TJP2: variants seen among roughly 807,000 people sequenced by gnomAD.
The protein encoded by TJP2 is tight junction protein 2, also known as Friedreich ataxia region gene X104 (tight junction protein ZO-2).
A neutral mutation model predicts 133.1 loss-of-function variants in TJP2; 91 were observed. The observed-to-expected ratio is 0.68, with a 90% CI of 0.58 to 0.81. TJP2 has a LOEUF of 0.81. Among genes scored for constraint, TJP2 ranks in the 40% least tolerant of loss-of-function variants. TJP2 has a pLI of 0.00. For missense variants in TJP2, 1,541 were observed against 1,565.6 expected (o/e 0.98, Z 0.26); for synonymous variants, 592 against 583.4 (o/e 1.01, Z -0.21).
At chr9:69,230,476 T>C (rs993492365) in intron 11 of TJP2, among the ~76,000 whole-genome samples, 9 of 152,234 alleles carry the variant, frequency 5.9e-5, no homozygotes, top group African/African-American at 2.2e-4. Context: ...CAAGATTTTA[T>C]TAGTCTGATT....
chr9:69,199,211 C>T (rs372122542), intron 1 of TJP2, among the ~76,000 whole-genome samples: 2 of 152,128 alleles, frequency 1.3e-5, no homozygotes, highest in Non-Finnish European at 1.5e-5. Flanking sequence ...GATTTGAGTT[C>T]GTTTGTAAAA....
At chr9:69,206,553 T>TTTTATTTATTTA (rs34725985) in intron 1 of TJP2, among the ~76,000 whole-genome samples, 2 of 149,368 alleles carry the variant, frequency 1.3e-5, no homozygotes, top group African/African-American at 4.9e-5. Context: ...TCTCCCTATT[T>TTTTATTTATTTA]TTTATTTATT....
At chr9:69,189,288 T>C (rs1165455253) in intron 1 of TJP2, among the ~76,000 whole-genome samples, 1 of 152,184 alleles carries the variant, frequency 6.6e-6, no homozygotes, top group Admixed American at 6.5e-5. Flanking sequence ...CTAGGAAGTC[T>C]CCACATACAA....
intron 1 of TJP2, among the ~76,000 whole-genome samples, chr9:69,132,362 G>A (rs1412448648): frequency 3.3e-5 from 5 of 152,234 alleles, no homozygotes; most frequent in Non-Finnish European, 5.9e-5. Context: ...AAGGATAACA[G>A]TCAGGCTTGC....
At chr9:69,139,884 G>A (rs1226028795) in intron 1 of TJP2, among the ~76,000 whole-genome samples, 1 of 152,102 alleles carries the variant, frequency 6.6e-6, no homozygotes, top group Non-Finnish European at 1.5e-5. Flanking sequence ...GAGTCCCCTG[G>A]GGCCTTCCTG....
Position 69,211,207 on chromosome 9 carries a change from C to T in TJP2, c.61-1341C>T, listed in dbSNP as rs572412122. ...CAAAAATTAGCCGGGCGTGGTAGTG[C>T]GCACCTGTAATCCTAGCTACCCAGG... On this transcript the variant is annotated intron_variant, in intron 1 of 22. Coordinates refer to ENST00000377245, the MANE Select transcript of TJP2 (RefSeq NM_004817.4). Among the ~76,000 whole-genome samples the T allele has an allele frequency of 8.5e-5, 13 of 152,188 alleles. No individual in the cohort carries two copies. In the East Asian group the frequency reaches 2.3e-3, roughly 27 times the overall value.
chr9:69,188,554 A>G (rs1826003540), intron 1 of TJP2, among the ~76,000 whole-genome samples: 1 of 152,202 alleles, frequency 6.6e-6, no homozygotes, highest in Non-Finnish European at 1.5e-5. Context: ...ATCATCGCTG[A>G]AAGTGCATAG....
chr9:69,203,091 G>A (rs1564432392), intron 1 of TJP2, among the ~76,000 whole-genome samples: 1 of 152,062 alleles, frequency 6.6e-6, no homozygotes, highest in African/African-American at 2.4e-5. Context: ...AAGCTCAGGT[G>A]TTTTCCTTAG....
At chr9:69,237,208 G>A in intron 14 of TJP2, 72 bp downstream of exon 14, 1 of 1,561,422 alleles carries the variant, frequency 6.4e-7, no homozygotes, top group Non-Finnish European at 8.8e-7. Context: ...TTTTCAGACT[G>A]TATGGTCAAG....
At chr9:69,132,529 T>C (rs1822541659) in intron 1 of TJP2, among the ~76,000 whole-genome samples, 1 of 152,184 alleles carries the variant, frequency 6.6e-6, no homozygotes, top group Non-Finnish European at 1.5e-5. Context: ...GATCCTGGGT[T>C]CAGAATGATA....
chr9:69,246,426 T>C (rs1830931035), intron 17 of TJP2: 1 of 439,112 alleles, frequency 2.3e-6, no homozygotes, highest in Admixed American at 3.4e-5. Context: ...TTTTTAAAAG[T>C]TAGCCTTTCT....
At chr9:69,138,673 T>G (rs1471687491) in intron 1 of TJP2, among the ~76,000 whole-genome samples, 1 of 152,160 alleles carries the variant, frequency 6.6e-6, no homozygotes. Context: ...GTCCCAGCAC[T>G]TTGGGAGGCC....
At chr9:69,149,410 C>A (rs1823363545) in intron 1 of TJP2, among the ~76,000 whole-genome samples, 1 of 152,122 alleles carries the variant, frequency 6.6e-6, no homozygotes, top group African/African-American at 2.4e-5. Flanking sequence ...GGGCTTTAAT[C>A]CCGTTGCTTG....
chr9:69,151,743 C>T (rs1181991137), exon 2 of TJP2: 2 of 1,232,012 alleles, frequency 1.6e-6, no homozygotes, highest in Admixed American at 4.2e-5. Flanking sequence ...AAGCACAGAG[C>T]TGTACCAGTA....
At chr9:69,185,061 T>TTC (rs1307340270) in intron 1 of TJP2, among the ~76,000 whole-genome samples, 1 of 116,596 alleles carries the variant, frequency 8.6e-6, no homozygotes, top group Non-Finnish European at 1.9e-5. Context: ...GCAGACTGAT[T>TTC]TCTTTTTTTT....
chr9:69,247,957 C>G, intron 18 of TJP2, 55 bp from the exon 19 acceptor site: 1 of 1,491,298 alleles, frequency 6.7e-7, no homozygotes, highest in South Asian at 1.4e-5. Flanking sequence ...TCTTGAGTCC[C>G]CACTCCCAGG....
rs368836999 is a variant in TJP2, at chr9:69,246,643, C to T, written c.2567-47C>T. 5.4e-5 allele frequency: 80 copies of T among 1,494,470 alleles called. No individual in the cohort carries two copies. In the Admixed American group the frequency reaches 7.4e-4, roughly 14 times the overall value. The allele number at this position is 1,494,470 out of a possible 1,614,324, so 92.6% of individuals were successfully genotyped here. ...TATGTCAAATAGCATCCTTAATAAA[C>T]ATGCCTCTGGAAATTAATGCAGACC... On this transcript the variant is annotated intron_variant, in intron 17 of 22. Transcript: ENST00000377245.
At chr9:69,211,535 G>T (rs904863743) in intron 1 of TJP2, among the ~76,000 whole-genome samples, 1 of 152,126 alleles carries the variant, frequency 6.6e-6, no homozygotes, top group Non-Finnish European at 1.5e-5. Context: ...AATCTTTGAG[G>T]GCTGTGTTTG....
intron 1 of TJP2, among the ~76,000 whole-genome samples, chr9:69,206,026 C>T (rs1827375773): frequency 6.6e-6 from 1 of 151,984 alleles, no homozygotes; most frequent in African/African-American, 2.4e-5. Context: ...TGCCTTAGTT[C>T]CTTTCTCTTC....
Sources: allele counts gnomAD v4.1 joint callset (sites outside exome capture counted in the v4.1 genomes callset), GRCh38; gene constraint gnomAD v4.1.1; transcripts MANE v1.5; gene names NCBI Gene and HGNC (gene_info 2026-07-23, HGNC 2026-07-21).